The following GREB1L variants were observed in gnomAD, a reference collection of about 807,000 sequenced individuals.
GREB1L encodes GREB1 like retinoic acid receptor coactivator, also known as GREB1-like protein.
In GREB1L, 17 loss-of-function variants were observed where a neutral mutation model predicts 200.8. The observed-to-expected ratio is 0.08, with a 90% confidence interval of 0.06 to 0.13. The LOEUF (loss-of-function observed/expected upper bound fraction) is 0.13. Ranked by LOEUF, GREB1L falls within the 10% of genes least tolerant of loss-of-function variation. The pLI is 1.00. For synonymous variants in GREB1L, 789 were observed against 893.0 expected (o/e 0.88, Z 2.08); for missense variants, 1,657 against 2,367.7 (o/e 0.70, Z 6.23).
At chr18:21,416,112 A>G (rs1397432706) in intron 7 of GREB1L, among the ~76,000 whole-genome samples, 9 of 152,234 alleles carry the variant, frequency 5.9e-5, no homozygotes, top group Admixed American at 2.0e-4. Context: ...TTAAGTAGAC[A>G]TGACAGATAC....
chr18:21,468,679 G>T, intron 15 of GREB1L: 1 of 456,358 alleles, frequency 2.2e-6, no homozygotes, highest in Non-Finnish European at 4.4e-6. Context: ...TACTGTTAAC[G>T]AAAGATCTCA....
chr18:21,461,276 G>A (rs935192723), intron 15 of GREB1L, among the ~76,000 whole-genome samples: 18 of 151,950 alleles, frequency 1.2e-4, no homozygotes, highest in South Asian at 2.1e-4. Context: ...GGAACCTCAC[G>A]CTATTGCTTT....
chr18:21,517,436 GCAA>G (rs1165210322), intron 30 of GREB1L, among the ~76,000 whole-genome samples: 1 of 152,046 alleles, frequency 6.6e-6, no homozygotes, highest in Non-Finnish European at 1.5e-5. Flanking sequence ...CCAGCTCGCT[GCAA>G]CCTCTGCCTC....
At chr18:21,399,562 CT>C (rs1261934346) in intron 5 of GREB1L, among the ~76,000 whole-genome samples, 1 of 151,958 alleles carries the variant, frequency 6.6e-6, no homozygotes, top group Admixed American at 6.6e-5. Flanking sequence ...CACTGGCAAC[CT>C]TTTTTTGGCG....
At chr18:21,274,257 A>C (rs2038125733) in intron 1 of GREB1L, among the ~76,000 whole-genome samples, 2 of 152,112 alleles carry the variant, frequency 1.3e-5, no homozygotes, top group African/African-American at 4.8e-5. Flanking sequence ...TGAGGGATAT[A>C]ACCTTATGAC....
Position 21,440,259 on chromosome 18 carries a change from T to C in GREB1L, c.950-10T>C. The C allele has an allele frequency of 6.4e-7, 1 of 1,551,418 alleles. No individual in the cohort carries two copies. The highest frequency in any genetic ancestry group is 1.2e-5 in the South Asian group (1 of 83,972). ...CTATCTCTTTTTTTTGTTTTTTTGT[T>C]TGTCTTCAGCTACCATGTTCATTTC... is the stretch of plus-strand genomic sequence containing the variant. On this transcript the variant is annotated splice_polypyrimidine_tract_variant and intron_variant, in intron 8 of 32. Transcript: ENST00000424526.
chr18:21,478,103 A>C (rs2035778910), intron 17 of GREB1L, among the ~76,000 whole-genome samples: 1 of 152,168 alleles, frequency 6.6e-6, no homozygotes, highest in Non-Finnish European at 1.5e-5. Flanking sequence ...GATGATCTGC[A>C]TCACTGTTAA....
chr18:21,268,590 T>TATATATATATATATATAC (rs2038027275), intron 1 of GREB1L, among the ~76,000 whole-genome samples: 1 of 134,222 alleles, frequency 7.5e-6, no homozygotes, highest in African/African-American at 2.8e-5. Flanking sequence ...TATATATATA[T>TATATATATATATATATAC]ATACATGTAT....
chr18:21,411,988 T>A (rs2031084301), intron 7 of GREB1L, among the ~76,000 whole-genome samples: 1 of 136,300 alleles, frequency 7.3e-6, no homozygotes, highest in Non-Finnish European at 1.5e-5. Flanking sequence ...GAGCTTGCAG[T>A]GAGCCGAGAT....
chr18:21,430,608 T>TTTTA (rs1491530758), intron 7 of GREB1L, among the ~76,000 whole-genome samples: 1 of 120,154 alleles, frequency 8.3e-6, no homozygotes, highest in Admixed American at 9.3e-5. Context: ...TTTTTTTTTT[T>TTTTA]AATTTGAGAC....
intron 10 of GREB1L, among the ~76,000 whole-genome samples, chr18:21,443,114 G>T (rs2033994206): frequency 6.6e-6 from 1 of 152,118 alleles, no homozygotes; most frequent in Admixed American, 6.5e-5. Context: ...ATGTTGGCCA[G>T]GCTGGTCTCA....
Position 21,525,738 on chromosome 18 carries a change from A to G in GREB1L, c.*2917A>G, listed in dbSNP as rs964820434. On this transcript the variant is annotated 3_prime_UTR_variant, in exon 33 of 33. Transcript: ENST00000424526. ...CTCAAAGTTGCTAGAACTATGTAGT[A>G]TGAAGATGCTGTTATTGTAGTATGA... Among the ~76,000 whole-genome samples, 1 of 152,248 alleles carries G rather than the reference A, an allele frequency of 6.6e-6. No individual in the cohort carries two copies. Among genetic ancestry groups the G allele is most frequent in the African/African-American group, 2.4e-5 (1 of 41,476 alleles).
At chr18:21,272,173 G>A (rs565521662) in intron 1 of GREB1L, among the ~76,000 whole-genome samples, 2 of 152,256 alleles carry the variant, frequency 1.3e-5, no homozygotes, top group African/African-American at 2.4e-5. Flanking sequence ...AGTCTGACAC[G>A]GTGAGACACT....
chr18:21,417,101 G>A (rs963674132), intron 7 of GREB1L, among the ~76,000 whole-genome samples: 17 of 152,118 alleles, frequency 1.1e-4, no homozygotes, highest in Non-Finnish European at 2.9e-5. Context: ...AGCAGCCAGA[G>A]AGAAAAGGCA....
intron 15 of GREB1L, among the ~76,000 whole-genome samples, chr18:21,458,042 C>G (rs1374587561): frequency 6.8e-6 from 1 of 147,240 alleles, no homozygotes; most frequent in Non-Finnish European, 1.5e-5. Flanking sequence ...GTTCTTGGCT[C>G]ACCACAACCT....
chr18:21,279,430 C>T (rs28565905), intron 1 of GREB1L, among the ~76,000 whole-genome samples: 1,607 of 152,178 alleles, frequency 0.011, 21 homozygotes, highest in African/African-American at 0.037. Context: ...TCTGTACTTA[C>T]GGATCCCTTC....
At chr18:21,519,467 AAAAC>A (rs1318279830) in intron 31 of GREB1L, among the ~76,000 whole-genome samples, 3 of 152,154 alleles carry the variant, frequency 2.0e-5, no homozygotes, top group Admixed American at 1.3e-4. Context: ...CAAAAAAAAC[AAAAC>A]AAACCCACAC....
At chr18:21,348,252 C>G (rs1465995882) in intron 1 of GREB1L, among the ~76,000 whole-genome samples, 1 of 151,834 alleles carries the variant, frequency 6.6e-6, no homozygotes, top group African/African-American at 2.4e-5. Context: ...GCTTGCTTGA[C>G]TCTTAAATGA....
intron 5 of GREB1L, 82 bp downstream of exon 5, chr18:21,395,643 A>T (rs2144372099): frequency 8.0e-6 from 8 of 998,236 alleles, no homozygotes; most frequent in East Asian, 2.7e-5. Flanking sequence ...GCAGAATTTT[A>T]AAAAATATAC....
Sources: allele counts gnomAD v4.1 joint callset (sites outside exome capture counted in the v4.1 genomes callset), GRCh38; gene constraint gnomAD v4.1.1; transcripts MANE v1.5; gene names NCBI Gene and HGNC (gene_info 2026-07-23, HGNC 2026-07-21).